Variants in CNIH1 observed in about 807,000 individuals in gnomAD.
The protein encoded by CNIH1 is cornichon family member 1, also known as protein cornichon homolog 1.
In CNIH1, 12 loss-of-function variants were observed where a neutral mutation model predicts 20.2. That is an observed-to-expected ratio of 0.59 (90% CI 0.38 to 0.96). The LOEUF (loss-of-function observed/expected upper bound fraction) is 0.96, where lower values mean the gene tolerates loss of function less well. CNIH1 is among the 40% of genes least tolerant of loss of function. CNIH1 has a pLI of 0.00. For synonymous variants in CNIH1, 69 were observed against 63.3 expected, an observed-to-expected ratio of 1.09 and a Z score of -0.43; for missense variants, 152 against 178.8, an observed-to-expected ratio of 0.85 and a Z score of 0.85.
chr14:54,440,973 C>A (rs983231685), intron 1 of CNIH1, among the ~76,000 whole-genome samples: 7 of 151,962 alleles, frequency 4.6e-5, no homozygotes, highest in Non-Finnish European at 7.4e-5. Flanking sequence ...CCGCGGGCGC[C>A]CGCCTGGACC....
At chr14:54,431,720 G>C (rs2030947991) in intron 3 of CNIH1, among the ~76,000 whole-genome samples, 1 of 152,154 alleles carries the variant, frequency 6.6e-6, no homozygotes, top group Admixed American at 6.5e-5. Flanking sequence ...TAAGTTGATA[G>C]AGGTCAGTGG....
At chr14:54,434,413 A>G (rs1334133247) in intron 2 of CNIH1, among the ~76,000 whole-genome samples, 5 of 152,190 alleles carry the variant, frequency 3.3e-5, no homozygotes, top group African/African-American at 1.2e-4. Context: ...ACAATACATT[A>G]GGAAAATACA....
At chr14:54,430,135 T>C in intron 4 of CNIH1, 126 bp downstream of exon 4, 1 of 989,446 alleles carries the variant, frequency 1.0e-6, no homozygotes, top group Non-Finnish European at 1.5e-6. Context: ...TTTGCTGGTG[T>C]GCACCATGCA....
At position 54,425,062 on chromosome 14, in the gene CNIH1, A is replaced by T. The variant is rs1019911785; in HGVS notation, c.*2752T>A. The T allele has an allele frequency of 9.9e-5, 15 of 152,194 alleles. No homozygotes were observed. The highest frequency in any genetic ancestry group is 3.6e-4 in the African/African-American group (15 of 41,456). 9.4% of individuals were successfully genotyped at this position (152,194 alleles called of 1,614,324 possible). On this transcript the variant is annotated 3_prime_UTR_variant, in exon 5 of 5. Coordinates refer to ENST00000216416, the MANE Select transcript of CNIH1 (RefSeq NM_005776.3). ...GAGGAATATCATTAAGCATTGAGAAAACTGTCAAACATCATTAATAACATT... is the reference window on the plus strand; with the variant it reads ...GAGGAATATCATTAAGCATTGAGAATACTGTCAAACATCATTAATAACATT...
rs2030824112 is a variant in CNIH1, at chr14:54,426,214, GT to G, written c.*1599del. 6.6e-6 allele frequency: 1 copy of G among 152,208 alleles called. No individual in the cohort carries two copies. The highest frequency in any genetic ancestry group is 2.4e-5 in the African/African-American group (1 of 41,458). 9.4% of individuals were successfully genotyped at this position (152,208 alleles called of 1,614,324 possible). Reference sequence around the variant, plus strand: ...TTAAAGCTTTCCTTGTTATGGAACAGTTTGAGTCTCTTCACTCTTCTGGTTC... The same window carrying G: ...TTAAAGCTTTCCTTGTTATGGAACAGTTGAGTCTCTTCACTCTTCTGGTTC... On this transcript the variant is annotated 3_prime_UTR_variant, in exon 5 of 5. Coordinates refer to ENST00000216416, the MANE Select transcript of CNIH1 (RefSeq NM_005776.3).
intron 4 of CNIH1, 45 bp downstream of exon 4, chr14:54,430,216 A>C: frequency 1.3e-6 from 2 of 1,598,288 alleles, no homozygotes; most frequent in South Asian, 2.2e-5. Flanking sequence ...CAAACTTTTA[A>C]AGCAGCAAAG....
At position 54,430,015 on chromosome 14, in the gene CNIH1, T is replaced by A. The variant is rs550015481; in HGVS notation, c.407+246A>T. On this transcript the variant is annotated intron_variant, in intron 4 of 4. Coordinates refer to ENST00000216416, the MANE Select transcript of CNIH1 (RefSeq NM_005776.3). ...AGGACCATCCTTTACTGACTGAATG[T>A]GTCTGAAAACTTATGAAGCAGCATC... is the stretch of plus-strand genomic sequence containing the variant. 54 of 460,844 alleles carry A rather than the reference T, an allele frequency of 1.2e-4. No homozygotes were observed. In the South Asian group the frequency reaches 1.5e-3, roughly 13 times the overall value. The allele number at this position is 460,844 out of a possible 1,614,324, so 28.5% of individuals were successfully genotyped here.
At chr14:54,430,231 A>T in intron 4 of CNIH1, 30 bp downstream of exon 4, 1 of 1,609,208 alleles carries the variant, frequency 6.2e-7, no homozygotes, top group Non-Finnish European at 8.5e-7. Context: ...GCAAAGTGAA[A>T]GCATATTTCA....
chr14:54,428,687 A>G lies in CNIH1; in HGVS notation c.408-846T>C, dbSNP rs544041660. ...TATCATACACCAGCCCGTTCCAGACATTTGCTATGGAAACTTATGAAATGA... is the reference window on the plus strand; with the variant it reads ...TATCATACACCAGCCCGTTCCAGACGTTTGCTATGGAAACTTATGAAATGA... On this transcript the variant is annotated intron_variant, in intron 4 of 4. Coordinates refer to ENST00000216416, the MANE Select transcript of CNIH1 (RefSeq NM_005776.3). Among the ~76,000 whole-genome samples the G allele has an allele frequency of 3.9e-5, 6 of 152,346 alleles. No homozygotes were observed. The East Asian group carries it at 1.2e-3, about 29-fold the overall frequency.
At chr14:54,441,181 C>T in intron 1 of CNIH1, 66 bp downstream of exon 1, 1 of 1,413,102 alleles carries the variant, frequency 7.1e-7, no homozygotes, top group Non-Finnish European at 9.4e-7. Flanking sequence ...GCCCGGACCG[C>T]GGGCCCGGGG....
intron 2 of CNIH1, among the ~76,000 whole-genome samples, chr14:54,433,765 C>T (rs2140003340): frequency 6.6e-6 from 1 of 152,234 alleles, no homozygotes; most frequent in African/African-American, 2.4e-5. Flanking sequence ...CCTACACTTA[C>T]AGAATGAAGT....
intron 1 of CNIH1, among the ~76,000 whole-genome samples, chr14:54,439,876 C>G (rs1336639831): frequency 6.6e-6 from 1 of 152,062 alleles, no homozygotes; most frequent in African/African-American, 2.4e-5. Flanking sequence ...TCATCAGAGG[C>G]CTACTAAGGT....
chr14:54,427,876 T>G, intron 4 of CNIH1, 35 bp from the exon 5 acceptor site: 5 of 1,601,170 alleles, frequency 3.1e-6, no homozygotes, highest in Non-Finnish European at 4.3e-6. Context: ...ATTTGAACAT[T>G]ACTAATTATT....
In CNIH1 at chr14:54,430,334, G is replaced by T. The variant is rs775504716; in HGVS notation, c.334C>A (p.Leu112Ile). 6.2e-7 allele frequency: 1 copy of T among 1,613,934 alleles called. No individual in the cohort carries two copies. The highest frequency in any genetic ancestry group is 2.2e-5 in the East Asian group (1 of 44,866). ...DPTTIMNADI[L>I]AYCQKEGWCK... ...CATCCTTCCTTCTGACAATATGCTA[G>T]AATATCTGCATTCATGATGGTTGTA... is the stretch of plus-strand genomic sequence containing the variant. The change falls in exon 4 of 5, where the codon CTA becomes ATA. Residue 112 changes from leucine (L) to isoleucine (I), a missense_variant. Leu to Ile is a conservative substitution (Grantham distance 5). Transcript: ENST00000216416.
At chr14:54,429,452 T>C (rs192092444) in intron 4 of CNIH1, among the ~76,000 whole-genome samples, 22 of 152,162 alleles carry the variant, frequency 1.4e-4, no homozygotes, top group Non-Finnish European at 2.8e-4. Context: ...AATGAGTCCA[T>C]GAGAGTATAA....
At position 54,439,716 on chromosome 14, in the gene CNIH1, AT is replaced by A. The variant is rs1258364533; in HGVS notation, c.81+1530del. On this transcript the variant is annotated intron_variant, in intron 1 of 4. Transcript: ENST00000216416. ...AGGCGCCCACCACCATGCCCGGCTAATTTTTTTGTATTTTTAGTAGAGACGG... is the reference window on the plus strand; with the variant it reads ...AGGCGCCCACCACCATGCCCGGCTAATTTTTTGTATTTTTAGTAGAGACGG... Among the ~76,000 whole-genome samples, 8 of 151,672 alleles carry A rather than the reference AT, an allele frequency of 5.3e-5. No homozygotes were observed. In the East Asian group the frequency reaches 1.4e-3, roughly 26 times the overall value.
intron 1 of CNIH1, among the ~76,000 whole-genome samples, chr14:54,437,796 G>A (rs180751441): frequency 5.3e-5 from 8 of 152,166 alleles, no homozygotes; most frequent in East Asian, 1.9e-4. Flanking sequence ...ACTTATGGAC[G>A]TTATTAGTCT....
chr14:54,429,283 G>T (rs2030885568), intron 4 of CNIH1, among the ~76,000 whole-genome samples: 1 of 152,346 alleles, frequency 6.6e-6, no homozygotes, highest in South Asian at 2.1e-4. Context: ...ATTTTTGGTT[G>T]TCATGAGGGG....
intron 2 of CNIH1, among the ~76,000 whole-genome samples, chr14:54,432,926 C>A (rs941122457): frequency 6.6e-6 from 1 of 152,110 alleles, no homozygotes; most frequent in Non-Finnish European, 1.5e-5. Flanking sequence ...GTTTCTTTAC[C>A]CCTGCTTGCC....
Sources: allele counts gnomAD v4.1 joint callset (sites outside exome capture counted in the v4.1 genomes callset), GRCh38; gene constraint gnomAD v4.1.1; transcripts MANE v1.5; gene names NCBI Gene and HGNC (gene_info 2026-07-23, HGNC 2026-07-21).